REDIC1: variants seen among roughly 807,000 people sequenced by gnomAD.
REDIC1 encodes the protein HEI10 Interacting Protein 1.
the REDIC1 span, among the ~76,000 whole-genome samples, chr12:39,857,822 T>C: frequency 6.6e-6 from 1 of 152,190 alleles, no homozygotes; most frequent in Non-Finnish European, 1.5e-5. Context: ...GAAGAAGCCA[T>C]ACTCCCTGCT....
At chr12:39,838,518 AAAG>A in the REDIC1 span, among the ~76,000 whole-genome samples, 1 of 151,514 alleles carries the variant, frequency 6.6e-6, no homozygotes, top group Non-Finnish European at 1.5e-5. Flanking sequence ...AAAAAAAAAA[AAAG>A]AAAGGGAGAA....
chr12:39,636,631 C>T, the REDIC1 span, among the ~76,000 whole-genome samples: 1 of 151,832 alleles, frequency 6.6e-6, no homozygotes, highest in Admixed American at 6.6e-5. Context: ...TTAAATTTTC[C>T]ACTTTTCATC....
chr12:39,631,281 G>A, the REDIC1 span, among the ~76,000 whole-genome samples: 110 of 152,194 alleles, frequency 7.2e-4, 1 homozygote, highest in African/African-American at 2.6e-3. Context: ...TTCCATGAAT[G>A]GCCTGATCAA....
chr12:39,827,094 T>C, the REDIC1 span, among the ~76,000 whole-genome samples: 7 of 151,828 alleles, frequency 4.6e-5, no homozygotes, highest in African/African-American at 1.2e-4. Context: ...TTGCTTCCCA[T>C]GGACATCTCA....
At chr12:39,841,348 G>T in the REDIC1 span, among the ~76,000 whole-genome samples, 1 of 151,996 alleles carries the variant, frequency 6.6e-6, no homozygotes, top group Non-Finnish European at 1.5e-5. Context: ...TGAATTATTG[G>T]GTTGGTTCTT....
chr12:39,885,281 T>C, the REDIC1 span, among the ~76,000 whole-genome samples: 1 of 152,066 alleles, frequency 6.6e-6, no homozygotes, highest in Non-Finnish European at 1.5e-5. Context: ...CTCTCTCAAA[T>C]GAATGCTTTC....
chr12:39,715,413 G>T, the REDIC1 span, among the ~76,000 whole-genome samples: 2 of 151,682 alleles, frequency 1.3e-5, no homozygotes, highest in Non-Finnish European at 2.9e-5. Flanking sequence ...CTGTTCCATT[G>T]GTCTATGTGC....
the REDIC1 span, among the ~76,000 whole-genome samples, chr12:39,661,675 A>AT: frequency 1.3e-5 from 2 of 151,776 alleles, no homozygotes; most frequent in Non-Finnish European, 2.9e-5. Flanking sequence ...CCACTTATCT[A>AT]TTTTTTTCTT....
the REDIC1 span, among the ~76,000 whole-genome samples, chr12:39,870,003 C>T: frequency 3.7e-4 from 56 of 152,132 alleles, no homozygotes; most frequent in Non-Finnish European, 5.3e-4. Context: ...TGCCCAAAGT[C>T]ACACTATTCA....
chr12:39,757,246 T>C, the REDIC1 span: 1 of 151,808 alleles, frequency 6.6e-6, no homozygotes, highest in Non-Finnish European at 1.5e-5. Context: ...ATCTGCAGCA[T>C]GTTTCAAAGG....
chr12:39,714,508 C>A, the REDIC1 span, among the ~76,000 whole-genome samples: 3 of 151,592 alleles, frequency 2.0e-5, no homozygotes, highest in Admixed American at 6.6e-5. Context: ...AATTATGCTG[C>A]TGTAAACGTG....
the REDIC1 span, among the ~76,000 whole-genome samples, chr12:39,724,762 G>A: frequency 1.3e-5 from 2 of 152,074 alleles, no homozygotes; most frequent in African/African-American, 4.8e-5. Flanking sequence ...TTAGATACAG[G>A]TGAAGAGAGA....
At chr12:39,848,644 A>G in the REDIC1 span, among the ~76,000 whole-genome samples, 23 of 152,184 alleles carry the variant, frequency 1.5e-4, no homozygotes, top group African/African-American at 5.3e-4. Context: ...AAGCAGAACT[A>G]CCATTTGACC....
the REDIC1 span, among the ~76,000 whole-genome samples, chr12:39,660,642 A>T: frequency 6.6e-6 from 1 of 152,078 alleles, no homozygotes; most frequent in Non-Finnish European, 1.5e-5. Context: ...ACCATTGATA[A>T]TTTCTATGTG....
chr12:39,715,937 G>A, the REDIC1 span, among the ~76,000 whole-genome samples: 78 of 151,916 alleles, frequency 5.1e-4, 1 homozygote, highest in Admixed American at 8.6e-4. Context: ...CCTGCTTTTC[G>A]GGGGTATAAA....
chr12:39,684,401 G>A, the REDIC1 span: 3 of 397,272 alleles, frequency 7.6e-6, no homozygotes, highest in Non-Finnish European at 1.0e-5. Context: ...TTTTATTCTG[G>A]AAGTGATTTC....
chr12:39,711,332 C>CACATATATACATCTATATTTATATAT, the REDIC1 span, among the ~76,000 whole-genome samples: 1 of 145,130 alleles, frequency 6.9e-6, no homozygotes. Context: ...ATGTATAGAT[C>CACATATATACATCTATATTTATATAT]ACATATATAC....
At chr12:39,707,016 A>G in the REDIC1 span, among the ~76,000 whole-genome samples, 1 of 151,852 alleles carries the variant, frequency 6.6e-6, no homozygotes, top group African/African-American at 2.4e-5. Context: ...CACATCAGAC[A>G]AACAGGATCA....
the REDIC1 span, among the ~76,000 whole-genome samples, chr12:39,768,706 A>G: frequency 6.6e-6 from 1 of 152,096 alleles, no homozygotes; most frequent in African/African-American, 2.4e-5. Flanking sequence ...GCCCGACAAC[A>G]ATTACAATAG....
Sources: gnomAD v4.1 joint callset for allele counts (sites outside exome capture counted in the v4.1 genomes callset) on GRCh38, gnomAD v4.1.1 for gene constraint, MANE v1.5 for transcripts, NCBI Gene and HGNC (gene_info 2026-07-23, HGNC 2026-07-21) for gene names.